Variants in TBC1D1 observed in about 807,000 individuals in gnomAD.
The protein encoded by TBC1D1 is TBC1 (tre-2/USP6, BUB2, cdc16) domain family, member 1.
A neutral mutation model predicts 125.6 loss-of-function variants in TBC1D1; 89 were observed. The ratio of observed to expected loss-of-function variants is 0.71; its 90% CI spans 0.60 to 0.85. TBC1D1 has a LOEUF of 0.85. TBC1D1 is among the 40% of genes least tolerant of loss of function. The pLI is 0.00. For synonymous variants in TBC1D1, 565 were observed against 564.1 expected (o/e 1.00, Z -0.02); for missense variants, 1,377 against 1,469.2 (o/e 0.94, Z 1.03).
chr4:38,131,510 G>A lies in TBC1D1; in HGVS notation c.3133-1574G>A, dbSNP rs146592188. 5.2e-4 allele frequency among the ~76,000 whole-genome samples: 79 copies of A among 152,240 alleles called. 3 individuals are homozygous for A. The East Asian group carries it at 0.014, about 28-fold the overall frequency. On this transcript the variant is annotated intron_variant, in intron 18 of 19. Coordinates refer to ENST00000261439, the MANE Select transcript of TBC1D1 (RefSeq NM_015173.4). ...AAGCAGATCCCTTAGCTAAGAGAGCGCCTGCTCAACCTGCCAGGCGTGTGC... is the reference window on the plus strand; with the variant it reads ...AAGCAGATCCCTTAGCTAAGAGAGCACCTGCTCAACCTGCCAGGCGTGTGC...
chr4:38,040,761 CTGGACAGGCACT>C (rs1748204831), intron 8 of TBC1D1, among the ~76,000 whole-genome samples: 1 of 152,206 alleles, frequency 6.6e-6, no homozygotes. Flanking sequence ...TGCCTCGAGC[CTGGACAGGCACT>C]TACACTTGGT....
chr4:38,101,424 G>T (rs1760316263), intron 14 of TBC1D1, among the ~76,000 whole-genome samples: 1 of 152,052 alleles, frequency 6.6e-6, no homozygotes, highest in Non-Finnish European at 1.5e-5. Context: ...AAAGAATTTT[G>T]GTTCAAAACT....
At chr4:38,091,775 G>GA (rs1430790309) in intron 13 of TBC1D1, among the ~76,000 whole-genome samples, 3 of 152,228 alleles carry the variant, frequency 2.0e-5, no homozygotes, top group African/African-American at 7.2e-5. Flanking sequence ...AGACTAGAAT[G>GA]AAAAGGCAAG....
intron 12 of TBC1D1, among the ~76,000 whole-genome samples, chr4:38,066,786 A>G (rs994867366): frequency 1.1e-4 from 16 of 146,856 alleles, no homozygotes; most frequent in Admixed American, 9.9e-4. Flanking sequence ...CAAAGGATGC[A>G]TTAAACTGCT....
intron 15 of TBC1D1, among the ~76,000 whole-genome samples, chr4:38,111,304 A>G (rs148372971): frequency 2.0e-5 from 3 of 152,352 alleles, no homozygotes; most frequent in Admixed American, 6.5e-5. Flanking sequence ...TAGAACAGCC[A>G]TTCCCAAACT....
intron 6 of TBC1D1, 95 bp downstream of exon 6, chr4:38,021,813 A>T (rs1311574719): frequency 7.5e-7 from 1 of 1,328,484 alleles, no homozygotes; most frequent in African/African-American, 1.5e-5. Context: ...ATTCTGCCTA[A>T]CAGAGGCTTG....
chr4:38,068,526 G>A (rs980311667), intron 12 of TBC1D1, among the ~76,000 whole-genome samples: 2 of 152,108 alleles, frequency 1.3e-5, no homozygotes, highest in African/African-American at 4.8e-5. Context: ...CTCTGTGCCT[G>A]ATGTTTTATG....
intron 2 of TBC1D1, among the ~76,000 whole-genome samples, chr4:37,998,516 C>T (rs1303555476): frequency 6.6e-6 from 1 of 152,190 alleles, no homozygotes; most frequent in East Asian, 1.9e-4. Flanking sequence ...TCGTCTGCCT[C>T]CCCTGACCAA....
intron 14 of TBC1D1, among the ~76,000 whole-genome samples, chr4:38,098,002 C>A (rs1759665809): frequency 6.6e-6 from 1 of 152,240 alleles, no homozygotes; most frequent in Non-Finnish European, 1.5e-5. Flanking sequence ...CACCACCGTA[C>A]TGCACTGCCT....
intron 12 of TBC1D1, chr4:38,060,581 G>T: frequency 7.8e-7 from 1 of 1,275,186 alleles, no homozygotes; most frequent in Non-Finnish European, 1.0e-6. Flanking sequence ...AAAGGGTAAG[G>T]ATGCTTACGT....
chr4:37,934,686 A>G (rs1016093633), intron 2 of TBC1D1, among the ~76,000 whole-genome samples: 1 of 152,124 alleles, frequency 6.6e-6, no homozygotes, highest in African/African-American at 2.4e-5. Flanking sequence ...GGGAGAGACC[A>G]GTGTAGGAGG....
chr4:37,974,205 C>CT (rs1372372506), intron 2 of TBC1D1, among the ~76,000 whole-genome samples: 1 of 152,146 alleles, frequency 6.6e-6, no homozygotes, highest in Non-Finnish European at 1.5e-5. Flanking sequence ...GTCTAAGGCC[C>CT]TTTTCAAGGG....
intron 18 of TBC1D1, among the ~76,000 whole-genome samples, chr4:38,127,628 C>T (rs1323715934): frequency 6.6e-6 from 1 of 152,184 alleles, no homozygotes; most frequent in East Asian, 1.9e-4. Flanking sequence ...AAGTGATCCA[C>T]CTGCCTCATC....
At chr4:37,975,904 G>A (rs1380334846) in intron 2 of TBC1D1, among the ~76,000 whole-genome samples, 1 of 151,922 alleles carries the variant, frequency 6.6e-6, no homozygotes, top group African/African-American at 2.4e-5. Flanking sequence ...GGAACAGCTC[G>A]TGCCCTGGGT....
Position 37,977,423 on chromosome 4 carries a change from C to A in TBC1D1, c.418-37086C>A, listed in dbSNP as rs1259332710. The A allele has an allele frequency of 5.3e-5, 50 of 943,268 alleles. No individual in the cohort carries two copies. The highest frequency in any genetic ancestry group is 6.3e-5 in the Admixed American group (1 of 15,824). 58.4% of individuals were successfully genotyped at this position (943,268 alleles called of 1,614,324 possible). The stretch of plus-strand genomic sequence containing the variant: ...CCCCGCCGCTCCCCAAGCCCGCCCC[C>A]GGCCGCCCGCGGGCCCACGGGCCGG... On this transcript the variant is annotated intron_variant, in intron 2 of 19. Transcript: ENST00000261439. This position sits in a 1 kb window ranked among gnomAD's most constrained non-coding sequence, Gnocchi z 4.3.
chr4:38,046,027 G>A, intron 10 of TBC1D1, 124 bp downstream of exon 10: 1 of 800,338 alleles, frequency 1.2e-6, no homozygotes, highest in Non-Finnish European at 2.1e-6. Context: ...CACAGGTGGA[G>A]GACTGGTCAT....
intron 12 of TBC1D1, among the ~76,000 whole-genome samples, chr4:38,062,735 C>G (rs557983271): frequency 3.2e-4 from 48 of 151,504 alleles, no homozygotes; most frequent in Non-Finnish European, 6.5e-4. Flanking sequence ...TGCCTGTTAA[C>G]AATTGTGAGT....
chr4:38,060,665 C>T (rs1374464039), intron 12 of TBC1D1: 2 of 1,287,072 alleles, frequency 1.6e-6, no homozygotes, highest in Non-Finnish European at 2.0e-6. Context: ...GAAGGTAAAG[C>T]AGATAGAGGC....
At chr4:38,025,385 A>G (rs988997028) in intron 6 of TBC1D1, among the ~76,000 whole-genome samples, 1 of 152,300 alleles carries the variant, frequency 6.6e-6, no homozygotes, top group African/African-American at 2.4e-5. Flanking sequence ...TACAGAAACC[A>G]CCCAGGAGGG....
Sources: allele counts gnomAD v4.1 joint callset (sites outside exome capture counted in the v4.1 genomes callset), GRCh38; gene constraint gnomAD v4.1.1; non-coding constraint Gnocchi (gnomAD v3.1); transcripts MANE v1.5; gene names NCBI Gene and HGNC (gene_info 2026-07-23, HGNC 2026-07-21).